Variants in PCDHA8 observed in about 807,000 individuals in gnomAD.
PCDHA8 encodes the protein protocadherin alpha-8.
PCDHA8 carries 53 observed loss-of-function variants against 61.8 expected under a neutral mutation model. The ratio of observed to expected loss-of-function variants is 0.86; its 90% CI spans 0.69 to 1.08. The LOEUF is 1.08. PCDHA8 is among the 50% of genes least tolerant of loss of function. PCDHA8 has a pLI of 0.00. For synonymous variants in PCDHA8, 618 were observed against 556.6 expected, an observed-to-expected ratio of 1.11 and a Z score of -1.55; for missense variants, 1,293 against 1,245.0, an observed-to-expected ratio of 1.04 and a Z score of -0.58.
At chr5:140,869,892 A>C in intron 1 of PCDHA8, 2 of 1,610,608 alleles carry the variant, frequency 1.2e-6, no homozygotes, top group Non-Finnish European at 1.7e-6. Context: ...TTGTGCTCAA[A>C]CTAAACGCCA....
intron 1 of PCDHA8, chr5:140,857,571 C>A (rs782707848): frequency 7.5e-6 from 12 of 1,596,630 alleles, no homozygotes; most frequent in Non-Finnish European, 9.4e-6. Flanking sequence ...AGCTACGTGT[C>A]GGTGCACGCG....
chr5:140,966,589 GGCCAGGA>G (rs1554228448), intron 1 of PCDHA8: 2 of 580,716 alleles, frequency 3.4e-6, no homozygotes, highest in Non-Finnish European at 5.5e-6. Flanking sequence ...AGGACGGTGG[GGCCAGGA>G]GCCCTTGGGA....
rs373518493 is a variant in PCDHA8, at chr5:140,883,950, A to T, written c.2394+40235A>T. 129 of 1,613,288 alleles carry T rather than the reference A, an allele frequency of 8.0e-5. 1 individual carries two copies. In the East Asian group the frequency reaches 1.2e-3, roughly 15 times the overall value. Reference sequence around the variant, plus strand: ...GTGTTCGTGCTGGACGAGAACGACAACGCTCCGGCGCTGCTGACGCCCGGG... The same window carrying T: ...GTGTTCGTGCTGGACGAGAACGACATCGCTCCGGCGCTGCTGACGCCCGGG... On this transcript the variant is annotated intron_variant, in intron 1 of 3. Coordinates refer to ENST00000531613, the MANE Select transcript of PCDHA8 (RefSeq NM_018911.3).
At position 140,916,114 on chromosome 5, in the gene PCDHA8, G is replaced by A. The variant is rs533496476; in HGVS notation, c.2395-62835G>A. On this transcript the variant is annotated intron_variant, in intron 1 of 3. Transcript: ENST00000531613. ...GGGAATCTGCCTGGCCACTGCTGAT[G>A]TTCACTTAAAGCTTAAGGGCTGTTC... 5.9e-5 allele frequency among the ~76,000 whole-genome samples: 9 copies of A among 152,238 alleles called. No homozygotes were observed. In the East Asian group the frequency reaches 1.7e-3, roughly 29 times the overall value.
chr5:140,927,293 C>T (rs782386645), intron 1 of PCDHA8: 5 of 1,614,176 alleles, frequency 3.1e-6, no homozygotes, highest in Non-Finnish European at 3.4e-6. Flanking sequence ...CTGCACATCC[C>T]CGAGTTCCTG....
At chr5:140,853,927 G>T in intron 1 of PCDHA8, 1 of 895,160 alleles carries the variant, frequency 1.1e-6, no homozygotes, top group Non-Finnish European at 1.4e-6. Context: ...CCAACATTTT[G>T]GGAGGCCAAG....
At chr5:140,869,066 T>G (rs782722664) in intron 1 of PCDHA8, 1 of 1,567,422 alleles carries the variant, frequency 6.4e-7, no homozygotes, top group Non-Finnish European at 8.6e-7. Context: ...GTACTGTAAG[T>G]GTAAAGAAGC....
chr5:140,979,033 C>T, intron 2 of PCDHA8, 26 bp downstream of exon 2: 1 of 1,613,044 alleles, frequency 6.2e-7, no homozygotes, highest in Non-Finnish European at 8.5e-7. Flanking sequence ...CTCATTCACT[C>T]AGAAGTAACC....
intron 1 of PCDHA8, among the ~76,000 whole-genome samples, chr5:140,932,121 T>C (rs1343821167): frequency 6.6e-6 from 1 of 151,956 alleles, no homozygotes; most frequent in Non-Finnish European, 1.5e-5. Context: ...ATTGATAATA[T>C]TTAAGATATA....
chr5:140,915,367 G>A lies in PCDHA8; in HGVS notation c.2395-63582G>A, dbSNP rs185020793. On this transcript the variant is annotated intron_variant, in intron 1 of 3. Coordinates refer to ENST00000531613, the MANE Select transcript of PCDHA8 (RefSeq NM_018911.3). Reference sequence around the variant, plus strand: ...TCTGTATGCCTATTCTTACCAGTAAGTGTCTCGGCATTGAAGAGCTAGGTA... The same window carrying A: ...TCTGTATGCCTATTCTTACCAGTAAATGTCTCGGCATTGAAGAGCTAGGTA... Among the ~76,000 whole-genome samples, 5 of 152,278 alleles carry A rather than the reference G, an allele frequency of 3.3e-5. No individual in the cohort carries two copies. In the East Asian group the frequency reaches 9.7e-4, roughly 29 times the overall value.
intron 3 of PCDHA8, among the ~76,000 whole-genome samples, chr5:140,997,668 T>TTGTGTGTGTGTGTG (rs35184029): frequency 1.7e-4 from 25 of 148,344 alleles, no homozygotes; most frequent in African/African-American, 6.2e-4. Flanking sequence ...ATTATACAGC[T>TTGTGTGTGTGTGTG]TGTGTGTGTG....
chr5:140,985,830 C>T (rs1446445717), intron 3 of PCDHA8, among the ~76,000 whole-genome samples: 2 of 149,758 alleles, frequency 1.3e-5, no homozygotes, highest in Non-Finnish European at 3.0e-5. Flanking sequence ...AGCTCTGCCT[C>T]CCGGGTTCAT....
chr5:140,929,058 A>G (rs372120484), intron 1 of PCDHA8: 2 of 1,614,072 alleles, frequency 1.2e-6, no homozygotes, highest in African/African-American at 2.7e-5. Context: ...GTCGCTCTAC[A>G]GAGGATCTGA....
At chr5:140,956,719 T>C (rs2095305109) in intron 1 of PCDHA8, among the ~76,000 whole-genome samples, 1 of 152,216 alleles carries the variant, frequency 6.6e-6, no homozygotes, top group Non-Finnish European at 1.5e-5. Context: ...TCAGAAGAAT[T>C]GGTACCAGCT....
At chr5:141,006,188 A>C (rs1319299509) in intron 3 of PCDHA8, among the ~76,000 whole-genome samples, 2 of 150,182 alleles carry the variant, frequency 1.3e-5, no homozygotes, top group Admixed American at 6.7e-5. Flanking sequence ...AGAGTTTGCT[A>C]TATGTATGTT....
Position 140,877,355 on chromosome 5 carries a change from C to T in PCDHA8, c.2394+33640C>T. On this transcript the variant is annotated intron_variant, in intron 1 of 3. Coordinates refer to ENST00000531613, the MANE Select transcript of PCDHA8 (RefSeq NM_018911.3). ...ATCCCGTTCCACGTGGGGCTGTACA[C>T]TGGCGAGATCAGCACGACACGCATC... 1.2e-6 allele frequency: 2 copies of T among 1,614,012 alleles called. No homozygotes were observed. Among genetic ancestry groups the T allele is most frequent in the Non-Finnish European group, 8.5e-7 (1 of 1,179,888 alleles).
In PCDHA8 at chr5:140,877,192, G is replaced by C. The variant is rs202102698; in HGVS notation, c.2394+33477G>C. 3.5e-4 allele frequency: 559 copies of C among 1,613,846 alleles called. 3 individuals are homozygous for C. The African/African-American group carries it at 6.5e-3, about 19-fold the overall frequency. Reference sequence around the variant, plus strand: ...GCTGGCGACTCCGGCTGGCAGCGCAGGAGGCGCAGTTAGCGAGTTGGTACC... The same window carrying C: ...GCTGGCGACTCCGGCTGGCAGCGCACGAGGCGCAGTTAGCGAGTTGGTACC... On this transcript the variant is annotated intron_variant, in intron 1 of 3. Coordinates refer to ENST00000531613, the MANE Select transcript of PCDHA8 (RefSeq NM_018911.3).
chr5:140,858,282 G>A (rs782040852), intron 1 of PCDHA8: 1 of 1,597,598 alleles, frequency 6.3e-7, no homozygotes, highest in Admixed American at 1.7e-5. Context: ...GCGGTGGGGA[G>A]CTGGTCTTAC....
intron 1 of PCDHA8, chr5:140,849,805 C>T: frequency 6.3e-7 from 1 of 1,598,382 alleles, no homozygotes; most frequent in Non-Finnish European, 8.6e-7. Flanking sequence ...TCACTGTGGG[C>T]CACGGCCAGG....
Sources: gnomAD v4.1 joint callset for allele counts (sites outside exome capture counted in the v4.1 genomes callset) on GRCh38, gnomAD v4.1.1 for gene constraint, MANE v1.5 for transcripts, NCBI Gene and HGNC (gene_info 2026-07-23, HGNC 2026-07-21) for gene names.